The following TCOF1 variants were observed in gnomAD, a reference collection of about 807,000 sequenced individuals.
TCOF1 encodes treacle ribosome biogenesis factor 1.
Under a neutral mutation model 149.0 loss-of-function variants are expected in TCOF1, and 33 were observed. The ratio of observed to expected loss-of-function variants is 0.22; its 90% CI spans 0.17 to 0.30. TCOF1 has a LOEUF of 0.30. TCOF1 is among the 10% of genes least tolerant of loss of function. The pLI, the probability that TCOF1 is intolerant of heterozygous loss-of-function variation, is 1.00. For synonymous variants in TCOF1, 789 were observed against 738.8 expected, an observed-to-expected ratio of 1.07 and a Z score of -1.10; for missense variants, 1,728 against 1,840.7, an observed-to-expected ratio of 0.94 and a Z score of 1.12.
chr5:150,399,122 G>A, intron 26 of TCOF1, 52 bp downstream of exon 26: 2 of 1,609,110 alleles, frequency 1.2e-6, no homozygotes, highest in South Asian at 1.1e-5. Flanking sequence ...CAGCTCTGGT[G>A]TCCCCTGTGG....
At position 150,391,600 on chromosome 5, in the gene TCOF1, C is replaced by T. The variant is rs776390151; in HGVS notation, c.3240C>T (p.Leu1080=). The T allele has an allele frequency of 4.3e-5, 69 of 1,614,024 alleles. No homozygotes were observed. The highest frequency in any genetic ancestry group is 5.4e-5 in the Non-Finnish European group (64 of 1,180,052). ...TGACCCAGGCTGCCCTGAAGGTCCT[C>T]GCCCAGAAAGCCAGTGAGGCTCAGC... ...LPLTQAALKV[L]AQKASEAQPP... The change falls in exon 20 of 27, where the codon CTC becomes CTT. Residue 1080 remains leucine (L), a synonymous_variant. Coordinates refer to ENST00000643257, the MANE Select transcript of TCOF1 (RefSeq NM_001371623.1).
At chr5:150,391,467 C>T (rs752024708) in intron 19 of TCOF1, 77 bp from the exon 20 acceptor site, 23 of 1,289,520 alleles carry the variant, frequency 1.8e-5, no homozygotes, top group Non-Finnish European at 2.5e-5. Context: ...CCCAGCCAGA[C>T]AGCATCTGAC....
At chr5:150,375,586 T>C (rs767880787) in intron 11 of TCOF1, 32 bp downstream of exon 11, 26 of 1,613,550 alleles carry the variant, frequency 1.6e-5, no homozygotes, top group African/African-American at 1.6e-4. Context: ...CTCTTTCTTT[T>C]TCCCCCCCAC....
intron 6 of TCOF1, among the ~76,000 whole-genome samples, chr5:150,370,656 A>C (rs1762319284): frequency 6.6e-6 from 1 of 152,178 alleles, no homozygotes; most frequent in Non-Finnish European, 1.5e-5. Flanking sequence ...ACGCCTGGCC[A>C]AAACCTTGAT....
chr5:150,382,554 C>T (rs1765447131), intron 17 of TCOF1, among the ~76,000 whole-genome samples: 1 of 152,248 alleles, frequency 6.6e-6, no homozygotes, highest in African/African-American at 2.4e-5. Context: ...TCACCACCAG[C>T]ATTTCCACCC....
At position 150,391,586 on chromosome 5, in the gene TCOF1, G is replaced by A. The variant is rs143173594; in HGVS notation, c.3226G>A (p.Ala1076Thr). 6.2e-7 allele frequency: 1 copy of A among 1,614,160 alleles called. No individual in the cohort carries two copies. The highest frequency in any genetic ancestry group is 1.1e-5 in the South Asian group (1 of 91,084). ...AGCTTCCCTCCCACTGACCCAGGCT[G>A]CCCTGAAGGTCCTCGCCCAGAAAGC... is the stretch of plus-strand genomic sequence containing the variant. ...NPASLPLTQA[A>T]LKVLAQKASE... is the part of the protein sequence containing the mutation. Residue 1076 changes from alanine (A) to threonine (T), a missense_variant, in exon 20 of 27, where the codon GCC becomes ACC. Ala to Thr is a moderately conservative substitution (Grantham distance 58). Coordinates refer to ENST00000643257, the MANE Select transcript of TCOF1 (RefSeq NM_001371623.1).
intron 14 of TCOF1, 50 bp from the exon 15 acceptor site, chr5:150,378,855 C>T: frequency 2.5e-6 from 4 of 1,613,618 alleles, no homozygotes; most frequent in South Asian, 1.1e-5. Context: ...TGGCTAGCTG[C>T]TTTACTCAAT....
chr5:150,364,155 G>A lies in TCOF1; in HGVS notation c.207G>A (p.Ala69=), dbSNP rs946305689. ...LGRKRKAEED[A]ALQAKKTRVS... is the part of the protein sequence containing the mutation. Reference sequence around the variant, plus strand: ...GGAAGCGGAAGGCAGAGGAAGATGCGGCACTGCAAGCTAAGAAAACCCGTG... The same window carrying A: ...GGAAGCGGAAGGCAGAGGAAGATGCAGCACTGCAAGCTAAGAAAACCCGTG... Residue 69 remains alanine (A), a synonymous_variant, in exon 3 of 27, where the codon GCG becomes GCA. Coordinates refer to ENST00000643257, the MANE Select transcript of TCOF1 (RefSeq NM_001371623.1). 5.0e-6 allele frequency: 8 copies of A among 1,614,008 alleles called. No homozygotes were observed. The highest frequency in any genetic ancestry group is 2.2e-5 in the East Asian group (1 of 44,898).
At chr5:150,398,321 TG>T in intron 24 of TCOF1, 32 bp from the exon 25 acceptor site, 1 of 1,612,498 alleles carries the variant, frequency 6.2e-7, no homozygotes, top group East Asian at 2.2e-5. Context: ...GATTACCATC[TG>T]TTGTTCAGGA....
chr5:150,398,295 T>C, intron 24 of TCOF1, 59 bp from the exon 25 acceptor site: 2 of 1,609,000 alleles, frequency 1.2e-6, no homozygotes, highest in Non-Finnish European at 1.7e-6. Flanking sequence ...CTCCCAACAT[T>C]GACCCCAGCA....
intron 14 of TCOF1, 43 bp downstream of exon 14, chr5:150,376,663 C>A: frequency 6.5e-7 from 1 of 1,544,280 alleles, no homozygotes; most frequent in Non-Finnish European, 8.8e-7. Context: ...CACACCTGTT[C>A]CTGAGCCAGG....
In TCOF1 at chr5:150,374,665, G is replaced by C. The variant is rs1228501385; in HGVS notation, c.1132G>C (p.Ala378Pro). Reference sequence around the variant, plus strand: ...TCAGGTCGGAGCTGCCTCAGCCCCTGCCAAGGAGTCCCCCAGGAAAGGAGC... The same window carrying C: ...TCAGGTCGGAGCTGCCTCAGCCCCTCCCAAGGAGTCCCCCAGGAAAGGAGC... ...TSQVGAASAP[A>P]KESPRKGAAP... Residue 378 changes from alanine to proline, a missense_variant, in exon 9 of 27, where the codon GCC becomes CCC. Around this residue, in one of 2 missense-constraint regions of TCOF1, gnomAD observed 1,696 missense variants for 1,765.4 expected, o/e 0.96. Transcript: ENST00000643257. 3.1e-6 allele frequency: 5 copies of C among 1,613,786 alleles called. No homozygotes were observed. In the Admixed American group the frequency reaches 6.7e-5, roughly 22 times the overall value.
chr5:150,391,937 T>G lies in TCOF1; in HGVS notation c.3298-20T>G, dbSNP rs1212720468. ...TTGCCCTAATTTTTCCTTCCATTCCTTCTCCTTTCACCGAATTAGGTTGAC... is the reference window on the plus strand; with the variant it reads ...TTGCCCTAATTTTTCCTTCCATTCCGTCTCCTTTCACCGAATTAGGTTGAC... On this transcript the variant is annotated intron_variant, in intron 20 of 26. Coordinates refer to ENST00000643257, the MANE Select transcript of TCOF1 (RefSeq NM_001371623.1). The G allele has an allele frequency of 6.2e-7, 1 of 1,613,716 alleles. No homozygotes were observed. The highest frequency in any genetic ancestry group is 1.1e-5 in the South Asian group (1 of 90,998).
rs1286333047 is a variant in TCOF1, at chr5:150,379,240, A to G, written c.2490A>G (p.Pro830=). 1.4e-5 allele frequency: 22 copies of G among 1,614,222 alleles called. No homozygotes were observed. Among genetic ancestry groups the G allele is most frequent in the African/African-American group, 9.3e-5 (7 of 75,044 alleles). The part of the protein sequence containing the change: ...KQRSPSKVKP[P]VRNPQNSTVL... ...CCCCTGCAATTCAGGTGAAGCCACC[A>G]GTGAGAAACCCCCAGAACAGTACCG... The change falls in exon 16 of 27, where the codon CCA becomes CCG. Residue 830 remains proline (P), a synonymous_variant. Coordinates refer to ENST00000643257, the MANE Select transcript of TCOF1 (RefSeq NM_001371623.1).
rs778031599 is a variant in TCOF1, at chr5:150,374,608, T to C, written c.1084-9T>C. 1.2e-6 allele frequency: 2 copies of C among 1,612,674 alleles called. No homozygotes were observed. The highest frequency in any genetic ancestry group is 4.5e-5 in the East Asian group (2 of 44,808). On this transcript the variant is annotated splice_polypyrimidine_tract_variant and intron_variant, in intron 8 of 26. Transcript: ENST00000643257. ...CTCTGGGCTGTCTCCCCTTGTCTTG[T>C]TTCTCCAGGCGAAGGCCTCAGGAAA...
intron 12 of TCOF1, 46 bp downstream of exon 12, chr5:150,375,955 CCA>C (rs1472081365): frequency 6.8e-6 from 11 of 1,613,868 alleles, no homozygotes; most frequent in Middle Eastern, 1.7e-4. Context: ...ATCTGCCACA[CCA>C]CAGTCAGCAC....
chr5:150,393,320 T>C (rs1196445984), intron 22 of TCOF1, 52 bp from the exon 23 acceptor site: 1 of 1,610,414 alleles, frequency 6.2e-7, no homozygotes, highest in African/African-American at 1.3e-5. Flanking sequence ...CGGGCTGGGT[T>C]ATGGCAGTGG....
intron 25 of TCOF1, 106 bp from the exon 26 acceptor site, chr5:150,398,916 C>T: frequency 6.5e-7 from 1 of 1,527,894 alleles, no homozygotes; most frequent in Non-Finnish European, 9.0e-7. Context: ...TCGCTGCAGA[C>T]CCAGTATCTA....
At chr5:150,366,673 AGTCTCGCTCTGTCGCCCAG>A (rs1761428658) in intron 3 of TCOF1, among the ~76,000 whole-genome samples, 1 of 55,200 alleles carries the variant, frequency 1.8e-5, no homozygotes, top group Non-Finnish European at 3.1e-5. Context: ...TTTGAGACGG[AGTCTCGCTCTGTCGCCCAG>A]GTCGGACTGC....
Sources: allele counts gnomAD v4.1 joint callset (sites outside exome capture counted in the v4.1 genomes callset), GRCh38; gene constraint gnomAD v4.1.1; regional missense constraint gnomAD v4.1.1; transcripts MANE v1.5; gene names NCBI Gene and HGNC (gene_info 2026-07-23, HGNC 2026-07-21).